ERI3: variants seen among roughly 807,000 people sequenced by gnomAD.
The protein encoded by ERI3 is ERI1 exoribonuclease family member 3.
ERI3 carries 18 observed loss-of-function variants against 44.4 expected under a neutral mutation model. That is an observed-to-expected ratio of 0.41 (90% CI 0.28 to 0.60). ERI3 has a LOEUF of 0.60. Among genes scored for constraint, ERI3 ranks in the 20% least tolerant of loss-of-function variants. The probability of loss-of-function intolerance (pLI) is 0.36; values close to 1 mark genes in which losing one functional copy is unlikely to be tolerated. For missense variants in ERI3, 294 were observed against 435.5 expected, an observed-to-expected ratio of 0.68 and a Z score of 2.89; for synonymous variants, 183 against 164.8, an observed-to-expected ratio of 1.11 and a Z score of -0.84.
intron 7 of ERI3, among the ~76,000 whole-genome samples, chr1:44,281,763 G>A (rs1334437041): frequency 6.6e-6 from 1 of 151,574 alleles, no homozygotes; most frequent in Non-Finnish European, 1.5e-5. Context: ...CTGCTTATAG[G>A]AATATGTGCA....
chr1:44,342,310 C>A (rs1349376210), intron 2 of ERI3, among the ~76,000 whole-genome samples: 2 of 152,038 alleles, frequency 1.3e-5, no homozygotes, highest in Non-Finnish European at 2.9e-5. Flanking sequence ...AAAAGAGGCA[C>A]TCATGAAGGG....
intron 3 of ERI3, among the ~76,000 whole-genome samples, chr1:44,332,589 G>A (rs1272514321): frequency 1.3e-5 from 2 of 152,180 alleles, no homozygotes; most frequent in Non-Finnish European, 2.9e-5. Flanking sequence ...ACAAGCCAGG[G>A]CCACCATGCA....
chr1:44,268,382 T>C (rs192291559), intron 7 of ERI3, among the ~76,000 whole-genome samples: 17 of 152,322 alleles, frequency 1.1e-4, no homozygotes, highest in Non-Finnish European at 1.8e-4. Flanking sequence ...GAGAGAAATG[T>C]CTTTATTAGG....
At chr1:44,338,670 A>C (rs1646583780) in intron 3 of ERI3, among the ~76,000 whole-genome samples, 1 of 152,240 alleles carries the variant, frequency 6.6e-6, no homozygotes, top group Admixed American at 6.5e-5. Flanking sequence ...AAGGGTGTGA[A>C]TAGCAGGAGT....
At chr1:44,288,773 C>T (rs543157469) in intron 6 of ERI3, among the ~76,000 whole-genome samples, 2 of 152,124 alleles carry the variant, frequency 1.3e-5, no homozygotes, top group East Asian at 3.9e-4. Context: ...CTCAAGGTCA[C>T]ACCTGGGTTC....
chr1:44,304,308 T>G (rs1314576249), intron 6 of ERI3, among the ~76,000 whole-genome samples: 1 of 151,936 alleles, frequency 6.6e-6, no homozygotes, highest in African/African-American at 2.4e-5. Flanking sequence ...AGTGTGAATG[T>G]GTAGAATAAA....
chr1:44,256,818 C>G (rs994360362), intron 7 of ERI3: 11 of 152,226 alleles, frequency 7.2e-5, no homozygotes, highest in African/African-American at 2.7e-4. Context: ...TTCTTGCTCT[C>G]AGATTTCTTG....
chr1:44,257,874 A>G (rs1039932717), intron 7 of ERI3, among the ~76,000 whole-genome samples: 2 of 152,110 alleles, frequency 1.3e-5, no homozygotes, highest in African/African-American at 4.8e-5. Flanking sequence ...GGCCCTTCAT[A>G]TCATATAACA....
rs997513342 is a variant in ERI3 at position 44,355,011 on chromosome 1, G to A, written c.16C>T (p.Pro6Ser). Residue 6 changes from proline (P) to serine (S), a missense_variant, in exon 1 of 9, where the codon CCC (proline) becomes TCC (serine). Pro to Ser is a moderately conservative substitution (Grantham distance 74). Transcript: ENST00000372257. Reference sequence around the variant, plus strand: ...CGCCCCCGCCCCCCGTCAGCAGCGGGAGAGGCTGTCGCCATGGCAACGCCC... The same window carrying A: ...CGCCCCCGCCCCCCGTCAGCAGCGGAAGAGGCTGTCGCCATGGCAACGCCC... MATAS[P>S]AADGGRGRPW... The A allele has an allele frequency of 2.9e-6, 4 of 1,390,126 alleles. No individual in the cohort carries two copies. The highest frequency in any genetic ancestry group is 2.8e-5 in the East Asian group (1 of 36,050). The allele number at this position is 1,390,126 out of a possible 1,614,324, so 86.1% of individuals were successfully genotyped here.
At chr1:44,307,431 A>C (rs540571037) in intron 6 of ERI3, among the ~76,000 whole-genome samples, 6 of 152,248 alleles carry the variant, frequency 3.9e-5, no homozygotes, top group African/African-American at 1.4e-4. Flanking sequence ...ACACACACAC[A>C]CAGAGACACA....
At position 44,263,130 on chromosome 1, in the gene ERI3, C is replaced by T. The variant is rs1006967428; in HGVS notation, c.832-15092G>A. ...TAAAAAATCCAGAAGTTCCATTAACCTTCCCTCAGCTCCTACATCAGAAGG... is the reference window on the plus strand; with the variant it reads ...TAAAAAATCCAGAAGTTCCATTAACTTTCCCTCAGCTCCTACATCAGAAGG... On this transcript the variant is annotated intron_variant, in intron 7 of 8. Transcript: ENST00000372257. 1.0e-3 allele frequency among the ~76,000 whole-genome samples: 158 copies of T among 152,350 alleles called. 1 individual carries two copies. The highest frequency in any genetic ancestry group is 4.1e-4 in the South Asian group (2 of 4,830).
chr1:44,296,523 AGAAACCAGAGCT>A (rs1368133710), intron 6 of ERI3, among the ~76,000 whole-genome samples: 1 of 152,248 alleles, frequency 6.6e-6, no homozygotes, highest in Non-Finnish European at 1.5e-5. Flanking sequence ...CAATTGAAGA[AGAAACCAGAGCT>A]GAGCCAACAC....
chr1:44,321,426 G>C (rs1463246723), intron 3 of ERI3, among the ~76,000 whole-genome samples: 1 of 152,158 alleles, frequency 6.6e-6, no homozygotes, highest in Non-Finnish European at 1.5e-5. Flanking sequence ...CCAAGGTGAA[G>C]AGAGGGGGAC....
intron 5 of ERI3, among the ~76,000 whole-genome samples, chr1:44,308,611 C>T (rs41301062): frequency 2.6e-5 from 4 of 152,148 alleles, no homozygotes; most frequent in Admixed American, 6.5e-5. Flanking sequence ...TCCTGCAGCC[C>T]GAATGTGTAG....
intron 8 of ERI3, 93 bp downstream of exon 8, chr1:44,247,846 G>A: frequency 1.0e-6 from 1 of 988,562 alleles, no homozygotes; most frequent in East Asian, 2.8e-5. Flanking sequence ...GGCACTGAAT[G>A]AGCCATGGAA....
intron 6 of ERI3, among the ~76,000 whole-genome samples, chr1:44,308,027 A>G (rs1371351098): frequency 6.6e-6 from 1 of 152,176 alleles, no homozygotes; most frequent in Non-Finnish European, 1.5e-5. Flanking sequence ...CCTCCCTTCC[A>G]GGGCAATAAC....
At chr1:44,229,642 T>C (rs1738051) in intron 8 of ERI3, among the ~76,000 whole-genome samples, 106,684 of 152,158 alleles carry the variant, frequency 0.7, 38,365 homozygotes, top group African/African-American at 0.87. Context: ...GGCCTGGGCA[T>C]GCAGCCCCGG....
intron 7 of ERI3, 47 bp downstream of exon 7, chr1:44,284,788 C>T: frequency 6.8e-7 from 1 of 1,464,274 alleles, no homozygotes; most frequent in South Asian, 1.1e-5. Flanking sequence ...AGCTCTGAGG[C>T]ACAAGAGCAC....
At position 44,291,054 on chromosome 1, in the gene ERI3, TACAA is replaced by T. The variant is rs773496436; in HGVS notation, c.759-6151_759-6148del. Among the ~76,000 whole-genome samples, 16 of 152,272 alleles carry T rather than the reference TACAA, an allele frequency of 1.1e-4. 1 individual carries two copies. The Middle Eastern group carries it at 0.01, about 97-fold the overall frequency. On this transcript the variant is annotated intron_variant, in intron 6 of 8. Coordinates refer to ENST00000372257, the MANE Select transcript of ERI3 (RefSeq NM_024066.3). Reference sequence around the variant, plus strand: ...CTTCCTCCCCCACTGCATCCTCTTATACAAACAGAGGCAGACACAATGTGTCACC... The same window carrying T: ...CTTCCTCCCCCACTGCATCCTCTTATACAGAGGCAGACACAATGTGTCACC...
Sources: allele counts gnomAD v4.1 joint callset (sites outside exome capture counted in the v4.1 genomes callset), GRCh38; gene constraint gnomAD v4.1.1; transcripts MANE v1.5; gene names NCBI Gene and HGNC (gene_info 2026-07-23, HGNC 2026-07-21).